The following FSD1 variants were observed in gnomAD, a reference collection of about 807,000 sequenced individuals.
FSD1 encodes fibronectin type III and SPRY domain-containing protein 1.
A neutral mutation model predicts 58.2 loss-of-function variants in FSD1; 23 were observed. The observed-to-expected ratio is 0.40, with a 90% CI of 0.28 to 0.56. The LOEUF is 0.56. FSD1 is among the 20% of genes least tolerant of loss of function. The pLI is 0.54. For missense variants in FSD1, 563 were observed against 670.8 expected (o/e 0.84, Z 1.78); for synonymous variants, 265 against 263.4 (o/e 1.01, Z -0.06).
intron 9 of FSD1, 106 bp downstream of exon 9, chr19:4,318,611 C>G: frequency 9.6e-7 from 1 of 1,037,532 alleles, no homozygotes; most frequent in Non-Finnish European, 1.4e-6. Context: ...GGACCTGGGG[C>G]TGGTGGAACC....
rs755935891 is a variant in FSD1, at chr19:4,318,337, C to T, written c.800-9C>T. The stretch of plus-strand genomic sequence containing the variant: ...CATCTCTGTGACTCCCACGTCTGCC[C>T]GGCCCCAGCGTTCATGTTCCGCCTG... On this transcript the variant is annotated splice_polypyrimidine_tract_variant and intron_variant, in intron 8 of 12. Transcript: ENST00000221856. 3.9e-5 allele frequency: 63 copies of T among 1,613,606 alleles called. No individual in the cohort carries two copies. Among genetic ancestry groups the T allele is most frequent in the Admixed American group, 3.0e-4 (18 of 59,950 alleles).
intron 4 of FSD1, 24 bp downstream of exon 4, chr19:4,308,007 G>C (rs766589212): frequency 6.4e-7 from 1 of 1,555,080 alleles, no homozygotes; most frequent in Admixed American, 1.7e-5. Flanking sequence ...ATGCTGCCAG[G>C]TAAAGAACAG....
At chr19:4,315,029 C>T (rs1971737965) in intron 7 of FSD1, among the ~76,000 whole-genome samples, 1 of 152,218 alleles carries the variant, frequency 6.6e-6, no homozygotes, top group South Asian at 2.1e-4. Flanking sequence ...CCGATGAAAG[C>T]AGCTGCCTAT....
chr19:4,316,402 G>T, intron 7 of FSD1, among the ~76,000 whole-genome samples: 2 of 142,300 alleles, frequency 1.4e-5, no homozygotes, highest in African/African-American at 2.6e-5. Flanking sequence ...TATATTTTTA[G>T]TAGAGATGCG....
At chr19:4,306,101 G>A in intron 2 of FSD1, 60 bp downstream of exon 2, 7 of 1,605,984 alleles carry the variant, frequency 4.4e-6, no homozygotes, top group Non-Finnish European at 6.0e-6. Flanking sequence ...GGAGGGTGCA[G>A]CCTTAGGAAC....
At chr19:4,311,588 G>A (rs1458313033) in intron 6 of FSD1, 3 of 441,792 alleles carry the variant, frequency 6.8e-6, no homozygotes, top group Admixed American at 7.2e-5. Flanking sequence ...GGAGGCTGAG[G>A]CAGGAGAATC....
intron 3 of FSD1, among the ~76,000 whole-genome samples, 184 bp from the exon 4 acceptor site, chr19:4,307,698 G>A (rs1002318621): frequency 6.6e-6 from 1 of 152,172 alleles, no homozygotes; most frequent in African/African-American, 2.4e-5. Flanking sequence ...GGATTCCCCA[G>A]GGATTCTGTT....
Position 4,323,557 on chromosome 19 carries a change from A to G in FSD1, c.1405A>G (p.Thr469Ala). The G allele has an allele frequency of 6.2e-7, 1 of 1,602,614 alleles. No homozygotes were observed. The highest frequency in any genetic ancestry group is 2.3e-5 in the East Asian group (1 of 44,132). The change falls in exon 13 of 13, where the codon ACG becomes GCG. Residue 469 changes from threonine (T) to alanine (A), a missense_variant. By Grantham distance (58) the Thr-to-Ala change is moderately conservative (BLOSUM62 0). Transcript: ENST00000221856. This position sits in a 1 kb window ranked among gnomAD's most constrained non-coding sequence, Gnocchi z 7.7. ...FTVWCGSFQVTTGLQVPSAVR... is the reference protein window; with the variant it reads ...FTVWCGSFQVATGLQVPSAVR... ...GGTATGGTGTGGCAGCTTCCAGGTGACGACAGGCCTGCAGGTCCCCAGTGC... is the reference window on the plus strand; with the variant it reads ...GGTATGGTGTGGCAGCTTCCAGGTGGCGACAGGCCTGCAGGTCCCCAGTGC...
intron 8 of FSD1, 53 bp from the exon 9 acceptor site, chr19:4,318,293 G>A: frequency 3.1e-6 from 5 of 1,611,934 alleles, no homozygotes; most frequent in Non-Finnish European, 4.2e-6. Flanking sequence ...GTCTCTCTCT[G>A]TGTCTCTCCG....
At chr19:4,306,368 C>G in intron 3 of FSD1, 39 bp downstream of exon 3, 1 of 1,610,522 alleles carries the variant, frequency 6.2e-7, no homozygotes, top group Non-Finnish European at 8.5e-7. Context: ...CCCGCCCCTC[C>G]TACTCAACAG....
At chr19:4,311,220 T>C in intron 6 of FSD1, 1 of 155,810 alleles carries the variant, frequency 6.4e-6, no homozygotes, top group Non-Finnish European at 1.4e-5. Context: ...GGTGGAGCCC[T>C]GAGAAGGCCA....
rs754497632 is a variant in FSD1 at position 4,323,233 on chromosome 19, C to T, written c.1287C>T (p.His429=). ...GCCTGGGTGTGCACTGTGACTTCCA[C>T]CAAGGTGACCCCAAGCCCCAGCTGC... ...PDCLGVHCDF[H]QGLLSFYNAR... Residue 429 remains histidine, a synonymous_variant, in exon 11 of 13, where the codon CAC becomes CAT. Transcript: ENST00000221856. The surrounding 1 kb of genome is among the most constrained non-coding windows in gnomAD (Gnocchi z 7.7). 4 of 1,605,036 alleles carry T rather than the reference C, an allele frequency of 2.5e-6. No homozygotes were observed. In the South Asian group the frequency reaches 4.4e-5, roughly 18 times the overall value.
At chr19:4,321,000 T>G (rs1391438356) in intron 10 of FSD1, among the ~76,000 whole-genome samples, 5 of 90,238 alleles carry the variant, frequency 5.5e-5, no homozygotes, top group East Asian at 3.2e-4. Flanking sequence ...GACTGAGGAG[T>G]ATCTGGAGGG....
At chr19:4,316,843 C>G (rs1315699207) in intron 7 of FSD1, among the ~76,000 whole-genome samples, 1 of 152,054 alleles carries the variant, frequency 6.6e-6, no homozygotes, top group African/African-American at 2.4e-5. Flanking sequence ...CTCCACCTCC[C>G]GGGTTCAGGT....
At chr19:4,320,131 C>G (rs1267659841) in intron 10 of FSD1, among the ~76,000 whole-genome samples, 2 of 151,976 alleles carry the variant, frequency 1.3e-5, no homozygotes, top group African/African-American at 2.4e-5. Context: ...TGGAGAGTAT[C>G]TGGCTTGGGG....
chr19:4,308,624 A>G (rs532354438), intron 4 of FSD1, among the ~76,000 whole-genome samples: 90 of 152,132 alleles, frequency 5.9e-4, no homozygotes, highest in South Asian at 1.5e-3. Context: ...TTGGGAGGCC[A>G]AGGCGGGCGG....
rs539005775 is a variant in FSD1, at chr19:4,323,027, C to T, written c.1081C>T (p.Arg361Cys). The change falls in exon 11 of 13, where the codon CGC becomes TGC. Residue 361 changes from arginine to cysteine, a missense_variant. By Grantham distance (180) the Arg-to-Cys change is radical. Transcript: ENST00000221856. The surrounding 1 kb of genome is among the most constrained non-coding windows in gnomAD (Gnocchi z 7.7). ...CGGCGGGGAGCATTACTGGGAGGTG[C>T]GCTACGAGCCGGACAGCAAGGCGTT... ...IDGGEHYWEV[R>C]YEPDSKAFGV... 4.3e-6 allele frequency: 7 copies of T among 1,611,620 alleles called. No individual in the cohort carries two copies. Among genetic ancestry groups the T allele is most frequent in the East Asian group, 2.2e-5 (1 of 44,840 alleles).
At chr19:4,322,223 G>C (rs1471310836) in intron 10 of FSD1, among the ~76,000 whole-genome samples, 56 of 138,340 alleles carry the variant, frequency 4.0e-4, no homozygotes, top group Non-Finnish European at 2.3e-4. Flanking sequence ...GGGAGAATTA[G>C]CTGGGGCCCA....
At chr19:4,310,237 A>G (rs747374191) in intron 4 of FSD1, 36 bp from the exon 5 acceptor site, 4 of 1,613,702 alleles carry the variant, frequency 2.5e-6, no homozygotes. Context: ...AAACAAAAAA[A>G]GAAATCTTTG....
Sources: allele counts gnomAD v4.1 joint callset (sites outside exome capture counted in the v4.1 genomes callset), GRCh38; gene constraint gnomAD v4.1.1; non-coding constraint Gnocchi (gnomAD v3.1); transcripts MANE v1.5; gene names NCBI Gene and HGNC (gene_info 2026-07-23, HGNC 2026-07-21).